FKBP7: variants seen among roughly 807,000 people sequenced by gnomAD.
FKBP7 encodes peptidyl-prolyl cis-trans isomerase FKBP7.
Under a neutral mutation model 24.3 loss-of-function variants are expected in FKBP7, and 24 were observed. The ratio of observed to expected loss-of-function variants is 0.99; its 90% CI spans 0.72 to 1.39. FKBP7 has a LOEUF of 1.39. FKBP7 is among the 40% of genes most tolerant of loss of function. The pLI is 0.00. For missense variants in FKBP7, 257 were observed against 269.5 expected (o/e 0.95, Z 0.33); for synonymous variants, 98 against 92.8 (o/e 1.06, Z -0.32).
chr2:178,477,853 T>C (rs1312113707), intron 1 of FKBP7, among the ~76,000 whole-genome samples: 1 of 152,192 alleles, frequency 6.6e-6, no homozygotes, highest in African/African-American at 2.4e-5. Flanking sequence ...ACTGTTTTTC[T>C]TGATAGAAAG....
chr2:178,473,324 T>C (rs1253342485), intron 2 of FKBP7, among the ~76,000 whole-genome samples: 1 of 152,240 alleles, frequency 6.6e-6, no homozygotes, highest in East Asian at 1.9e-4. Flanking sequence ...GTATTAACTA[T>C]GGTCCAATTA....
At chr2:178,466,380 T>C (rs991981538) in intron 3 of FKBP7, among the ~76,000 whole-genome samples, 1 of 152,154 alleles carries the variant, frequency 6.6e-6, no homozygotes, top group Non-Finnish European at 1.5e-5. Context: ...TTTAAGTTTT[T>C]CTATGCTTCT....
rs1473128280 is a variant in FKBP7 at position 178,465,707 on chromosome 2, G to C, written c.*63C>G. The C allele has an allele frequency of 7.2e-7, 1 of 1,396,870 alleles. No homozygotes were observed. The highest frequency in any genetic ancestry group is 9.4e-7 in the Non-Finnish European group (1 of 1,060,686). 86.5% of individuals were successfully genotyped at this position (1,396,870 alleles called of 1,614,324 possible). A position where few individuals can be genotyped will look rare whatever the true frequency, so the allele number is the denominator to read the frequency against. ...TAGCAAATACAACTTGGAGAAAAGTGACTTTGTTTTATACATAAAGTACAG... is the reference window on the plus strand; with the variant it reads ...TAGCAAATACAACTTGGAGAAAAGTCACTTTGTTTTATACATAAAGTACAG... On this transcript the variant is annotated 3_prime_UTR_variant, in exon 4 of 4. Transcript: ENST00000424785.
intron 3 of FKBP7, among the ~76,000 whole-genome samples, chr2:178,469,251 C>T (rs1361435127): frequency 2.0e-5 from 3 of 152,188 alleles, no homozygotes; most frequent in Admixed American, 6.5e-5. Context: ...CTCCTGTTTA[C>T]CAACTTTCTA....
In FKBP7 at chr2:178,478,396, A is replaced by C. The variant is rs1280802546; in HGVS notation, c.104T>G (p.Val35Gly). The C allele has an allele frequency of 6.2e-7, 1 of 1,613,994 alleles. No individual in the cohort carries two copies. Among genetic ancestry groups the C allele is most frequent in the Admixed American group, 1.7e-5 (1 of 59,998 alleles). ...TGGACGATGCAAAACTTCTATTTTCACTTCTTCGGTGCTCTCCTCTTTCTT... is the reference window on the plus strand; with the variant it reads ...TGGACGATGCAAAACTTCTATTTTCCCTTCTTCGGTGCTCTCCTCTTTCTT... ...RQKKEESTEE[V>G]KIEVLHRPEN... The change falls in exon 1 of 4, where the codon GTG (valine) becomes GGG (glycine). Residue 35 changes from valine to glycine, a missense_variant. Physicochemically the swap from Val to Gly is moderately radical, Grantham distance 109. Transcript: ENST00000424785.
At chr2:178,474,440 G>T (rs1230084718) in intron 2 of FKBP7, among the ~76,000 whole-genome samples, 1 of 152,190 alleles carries the variant, frequency 6.6e-6, no homozygotes, top group African/African-American at 2.4e-5. Flanking sequence ...AAATGTTAGA[G>T]TGAAAAGAAA....
Position 178,474,463 on chromosome 2 carries a change from T to C in FKBP7, c.373+2599A>G, listed in dbSNP as rs1266181836. 3.3e-5 allele frequency among the ~76,000 whole-genome samples: 5 copies of C among 152,256 alleles called. No individual in the cohort carries two copies. The East Asian group carries it at 7.7e-4, about 23-fold the overall frequency. ...GAGTGAAAAGAAATCTTCTCATCCT[T>C]GACCCTGAGGCCTCCTTCCCAGGAA... On this transcript the variant is annotated intron_variant, in intron 2 of 3. Transcript: ENST00000424785.
At chr2:178,473,479 G>A (rs1684914953) in intron 2 of FKBP7, among the ~76,000 whole-genome samples, 1 of 152,202 alleles carries the variant, frequency 6.6e-6, no homozygotes, top group Non-Finnish European at 1.5e-5. Flanking sequence ...TATCTCTGCA[G>A]CAAGTTTCTG....
chr2:178,469,984 T>C (rs556041163), intron 2 of FKBP7, among the ~76,000 whole-genome samples, 199 bp from the exon 3 acceptor site: 3 of 152,228 alleles, frequency 2.0e-5, no homozygotes, highest in African/African-American at 7.2e-5. Context: ...TTTTTCTCTT[T>C]TTTTTATAAA....
chr2:178,469,278 C>A (rs1387842416), intron 3 of FKBP7, among the ~76,000 whole-genome samples: 1 of 152,204 alleles, frequency 6.6e-6, no homozygotes, highest in Admixed American at 6.5e-5. Context: ...TCAATTCAGA[C>A]CCTTGCTAGC....
intron 2 of FKBP7, among the ~76,000 whole-genome samples, chr2:178,473,461 A>C (rs1342752000): frequency 6.6e-6 from 1 of 152,240 alleles, no homozygotes; most frequent in Non-Finnish European, 1.5e-5. Context: ...TTTCACATCA[A>C]ACTTCTATAT....
intron 1 of FKBP7, among the ~76,000 whole-genome samples, chr2:178,477,755 C>T (rs1157451999): frequency 6.6e-6 from 1 of 152,234 alleles, no homozygotes; most frequent in Middle Eastern, 3.4e-3. Flanking sequence ...AAAAGATTCT[C>T]CCTCTGAGTA....
At position 178,469,743 on chromosome 2, in the gene FKBP7, A is replaced by G. The variant is rs1684796173; in HGVS notation, c.416T>C (p.Ile139Thr). 4.3e-6 allele frequency: 7 copies of G among 1,613,804 alleles called. No individual in the cohort carries two copies. Among genetic ancestry groups the G allele is most frequent in the African/African-American group, 4.0e-5 (3 of 74,902 alleles). Residue 139 changes from isoleucine to threonine, a missense_variant, in exon 3 of 4, where the codon ATT becomes ACT. Transcript: ENST00000424785. The part of the protein sequence containing the change: ...IPPDATLIFE[I>T]ELYAVTKGPR... The stretch of plus-strand genomic sequence containing the variant: ...TCCTTTGGTCACAGCATAAAGTTCA[A>G]TCTCAAAAATCAATGTAGCATCCGG...
At chr2:178,473,856 T>C (rs868531366) in intron 2 of FKBP7, among the ~76,000 whole-genome samples, 69 of 152,216 alleles carry the variant, frequency 4.5e-4, no homozygotes, top group African/African-American at 1.6e-3. Flanking sequence ...TTCTCCTAGG[T>C]TCCTATACAA....
At chr2:178,476,595 C>T (rs1213585923) in intron 2 of FKBP7, among the ~76,000 whole-genome samples, 1 of 152,046 alleles carries the variant, frequency 6.6e-6, no homozygotes, top group Non-Finnish European at 1.5e-5. Flanking sequence ...TGGAATTATA[C>T]AGTATTTGTC....
At position 178,465,604 on chromosome 2, in the gene FKBP7, T is replaced by A; in HGVS notation, c.*166A>T. The A allele has an allele frequency of 1.8e-6, 1 of 546,302 alleles. No individual in the cohort carries two copies. Among genetic ancestry groups the A allele is most frequent in the East Asian group, 3.4e-5 (1 of 29,030 alleles). 33.8% of individuals were successfully genotyped at this position (546,302 alleles called of 1,614,324 possible). A position where few individuals can be genotyped will look rare whatever the true frequency, so the allele number is the denominator to read the frequency against. Reference sequence around the variant, plus strand: ...AGTCATACCATTCCTGCAAGTTAAGTTTGCAAAACAGCCTCACATTTATTA... The same window carrying A: ...AGTCATACCATTCCTGCAAGTTAAGATTGCAAAACAGCCTCACATTTATTA... On this transcript the variant is annotated 3_prime_UTR_variant, in exon 4 of 4. Transcript: ENST00000424785.
chr2:178,464,940 C>G lies in FKBP7; in HGVS notation c.*830G>C, dbSNP rs546796327. 2 of 152,156 alleles carry G rather than the reference C, an allele frequency of 1.3e-5. No homozygotes were observed. Among genetic ancestry groups the G allele is most frequent in the South Asian group, 4.1e-4 (2 of 4,824 alleles). The allele number at this position is 152,156 out of a possible 1,614,324, so 9.4% of individuals were successfully genotyped here. A position where few individuals can be genotyped will look rare whatever the true frequency, so the allele number is the denominator to read the frequency against. On this transcript the variant is annotated 3_prime_UTR_variant, in exon 4 of 4. Coordinates refer to ENST00000424785, the MANE Select transcript of FKBP7 (RefSeq NM_181342.3). ...TGAGGTGACATAAGGAAAGAGATAA[C>G]TAGAGAAAGGGAACGAAAACTAAGA...
chr2:178,469,133 AGTGTT>A (rs1259530106), intron 3 of FKBP7, among the ~76,000 whole-genome samples: 1 of 152,118 alleles, frequency 6.6e-6, no homozygotes, highest in Non-Finnish European at 1.5e-5. Flanking sequence ...GGCCTCTCAA[AGTGTT>A]GAGATTATAG....
chr2:178,477,624 A>C (rs2154127263), intron 1 of FKBP7, among the ~76,000 whole-genome samples: 1 of 152,076 alleles, frequency 6.6e-6, no homozygotes, highest in East Asian at 1.9e-4. Context: ...ATTAAATTCT[A>C]ATGATATAAT....
Sources: gnomAD v4.1 joint callset for allele counts (sites outside exome capture counted in the v4.1 genomes callset) on GRCh38, gnomAD v4.1.1 for gene constraint, MANE v1.5 for transcripts, NCBI Gene and HGNC (gene_info 2026-07-23, HGNC 2026-07-21) for gene names.